The following CCDC175 variants were observed in gnomAD, a reference collection of about 807,000 sequenced individuals.
CCDC175 encodes the protein coiled-coil domain containing 175.
CCDC175 carries 100 observed loss-of-function variants against 114.6 expected under a neutral mutation model. The observed-to-expected ratio is 0.87, with a 90% confidence interval of 0.74 to 1.03. The LOEUF is 1.03. Among genes scored for constraint, CCDC175 ranks in the 50% least tolerant of loss-of-function variants. The pLI is 0.00. For missense variants in CCDC175, 880 were observed against 917.8 expected (o/e 0.96, Z 0.53); for synonymous variants, 306 against 308.7 (o/e 0.99, Z 0.09).
intron 7 of CCDC175, among the ~76,000 whole-genome samples, chr14:59,552,639 A>G (rs1394284104): frequency 6.6e-6 from 1 of 152,228 alleles, no homozygotes; most frequent in Non-Finnish European, 1.5e-5. Flanking sequence ...AAGTTGAGAG[A>G]AGAAGGCCAC....
chr14:59,573,952 T>G (rs1456647086), intron 2 of CCDC175, among the ~76,000 whole-genome samples: 2 of 152,138 alleles, frequency 1.3e-5, no homozygotes, highest in Non-Finnish European at 2.9e-5. Context: ...GGCTCAGATA[T>G]TAAATGAATA....
chr14:59,518,017 C>T (rs1029851408), intron 17 of CCDC175, among the ~76,000 whole-genome samples: 1 of 152,086 alleles, frequency 6.6e-6, no homozygotes, highest in Non-Finnish European at 1.5e-5. Flanking sequence ...AATAATGCCG[C>T]ATATCTACAA....
intron 7 of CCDC175, among the ~76,000 whole-genome samples, chr14:59,555,907 A>C (rs1181791551): frequency 6.6e-6 from 1 of 152,226 alleles, no homozygotes; most frequent in Non-Finnish European, 1.5e-5. Context: ...CCAACTTACA[A>C]GGGATGTGAA....
At chr14:59,543,510 A>T (rs762183549) in intron 9 of CCDC175, 56 bp from the exon 10 acceptor site, 11 of 563,308 alleles carry the variant, frequency 2.0e-5, no homozygotes, top group Non-Finnish European at 2.8e-5. Context: ...GCAAACACAA[A>T]TAAGAATTTC....
At chr14:59,514,127 A>G (rs1222571745) in intron 17 of CCDC175, among the ~76,000 whole-genome samples, 1 of 152,220 alleles carries the variant, frequency 6.6e-6, no homozygotes, top group African/African-American at 2.4e-5. Flanking sequence ...AAGGAAAACT[A>G]AAAAACAGAA....
At chr14:59,507,720 A>C (rs1892507835) in intron 19 of CCDC175, among the ~76,000 whole-genome samples, 2 of 152,178 alleles carry the variant, frequency 1.3e-5, no homozygotes, top group Admixed American at 1.3e-4. Flanking sequence ...GGATCTGATG[A>C]GTGCCTAATA....
chr14:59,543,246 T>C (rs1894896286), intron 10 of CCDC175, 98 bp downstream of exon 10: 3 of 484,924 alleles, frequency 6.2e-6, no homozygotes, highest in Non-Finnish European at 1.1e-5. Flanking sequence ...TCCTTTTCTG[T>C]AGTATGTTAG....
At chr14:59,511,566 A>AAAAAAAAT (rs1892750258) in intron 18 of CCDC175, among the ~76,000 whole-genome samples, 194 bp downstream of exon 18, 2 of 151,372 alleles carry the variant, frequency 1.3e-5, no homozygotes, top group Non-Finnish European at 2.9e-5. Context: ...AAAAAAAAAA[A>AAAAAAAAT]AGACACATTT....
chr14:59,540,552 T>G, intron 11 of CCDC175, 123 bp downstream of exon 11: 1 of 1,110,160 alleles, frequency 9.0e-7, no homozygotes, highest in African/African-American at 1.6e-5. Flanking sequence ...TACACATAAT[T>G]TAGGAAAATC....
chr14:59,549,046 T>C (rs979695425), intron 8 of CCDC175, among the ~76,000 whole-genome samples: 17 of 152,240 alleles, frequency 1.1e-4, no homozygotes, highest in Non-Finnish European at 7.3e-5. Flanking sequence ...TTTCTCCCCA[T>C]GACCACTAAA....
intron 3 of CCDC175, among the ~76,000 whole-genome samples, chr14:59,571,678 A>C (rs1333929338): frequency 6.6e-6 from 1 of 152,252 alleles, no homozygotes; most frequent in African/African-American, 2.4e-5. Context: ...TTGTTGGTGG[A>C]AACACAAAAT....
chr14:59,526,050 T>C (rs1282487165), intron 15 of CCDC175, among the ~76,000 whole-genome samples: 1 of 152,188 alleles, frequency 6.6e-6, no homozygotes, highest in African/African-American at 2.4e-5. Context: ...GGAAATGTAT[T>C]GAGGCTTTTA....
intron 19 of CCDC175, among the ~76,000 whole-genome samples, chr14:59,509,838 T>C (rs1892647782): frequency 6.6e-6 from 1 of 152,218 alleles, no homozygotes; most frequent in Admixed American, 6.5e-5. Context: ...TTTTACTTTC[T>C]ACATCCTACC....
chr14:59,543,491 CATAAAT>C (rs762716683), intron 9 of CCDC175, 37 bp from the exon 10 acceptor site: 23 of 726,656 alleles, frequency 3.2e-5, no homozygotes, highest in Non-Finnish European at 4.7e-5. Flanking sequence ...TGAAGGCTGA[CATAAAT>C]ATGCAAACAC....
rs1894526952 is a variant in CCDC175, at chr14:59,538,160, T to C, written c.1492-6A>G. On this transcript the variant is annotated splice_polypyrimidine_tract_variant and splice_region_variant and intron_variant, in intron 12 of 19. Transcript: ENST00000537690. ...TCCTGTTGTCTGAAACTGGTCTAAT[T>C]AGAGAAAAATAAGAATTTGTCATTT... 1 of 1,528,822 alleles carries C rather than the reference T, an allele frequency of 6.5e-7. No individual in the cohort carries two copies. 94.7% of individuals were successfully genotyped at this position (1,528,822 alleles called of 1,614,324 possible).
intron 13 of CCDC175, among the ~76,000 whole-genome samples, chr14:59,533,960 G>A (rs1457652903): frequency 2.1e-5 from 3 of 143,718 alleles, no homozygotes; most frequent in Non-Finnish European, 3.0e-5. Flanking sequence ...CTGCACTCCA[G>A]CCTGGGCAAC....
rs1275520147 is a variant in CCDC175 at position 59,519,310 on chromosome 14, G to A, written c.2098+2264C>T. ...GTGCACATGTACCGTAAAACTTAAA[G>A]TATAGTAATAAAAAAAAAGTTCACT... On this transcript the variant is annotated intron_variant, in intron 17 of 19. Transcript: ENST00000537690. 5.9e-5 allele frequency among the ~76,000 whole-genome samples: 9 copies of A among 151,960 alleles called. No homozygotes were observed. The East Asian group carries it at 1.7e-3, about 29-fold the overall frequency.
At chr14:59,558,911 C>T (rs1295086132) in intron 7 of CCDC175, among the ~76,000 whole-genome samples, 1 of 151,980 alleles carries the variant, frequency 6.6e-6, no homozygotes, top group African/African-American at 2.4e-5. Context: ...GTAAAGGATC[C>T]TAAAAAGCAG....
chr14:59,553,043 A>C (rs1895629415), intron 7 of CCDC175, among the ~76,000 whole-genome samples: 1 of 152,244 alleles, frequency 6.6e-6, no homozygotes, highest in South Asian at 2.1e-4. Flanking sequence ...AACACTCTGC[A>C]GGGAATTATT....
Sources: allele counts gnomAD v4.1 joint callset (sites outside exome capture counted in the v4.1 genomes callset), GRCh38; gene constraint gnomAD v4.1.1; transcripts MANE v1.5; gene names NCBI Gene and HGNC (gene_info 2026-07-23, HGNC 2026-07-21).